Variants in IGSF11 observed in about 807,000 individuals in gnomAD.
IGSF11 encodes immunoglobulin superfamily member 11, also known as CXADR like 1.
IGSF11 carries 22 observed loss-of-function variants against 41.0 expected under a neutral mutation model. The observed-to-expected ratio is 0.54, with a 90% CI of 0.38 to 0.77. The LOEUF (loss-of-function observed/expected upper bound fraction) is 0.77. Ranked by LOEUF, IGSF11 falls within the 30% of genes least tolerant of loss-of-function variation. The pLI, the probability that IGSF11 is intolerant of heterozygous loss-of-function variation, is 0.00. For synonymous variants in IGSF11, 219 were observed against 201.3 expected (o/e 1.09, Z -0.74); for missense variants, 444 against 530.8 (o/e 0.84, Z 1.61).
Position 118,935,894 on chromosome 3 carries a change from TTTAG to T in IGSF11, c.53-5623_53-5620del, listed in dbSNP as rs150606066. The stretch of plus-strand genomic sequence containing the variant: ...TGATCAGAAAAGTTGTATAACCTGC[TTTAG>T]TTCTCATCTAGGGAAAGAACTGACT... On this transcript the variant is annotated intron_variant, in intron 1 of 6. Transcript: ENST00000393775. Among the ~76,000 whole-genome samples, 762 of 152,320 alleles carry T rather than the reference TTTAG, an allele frequency of 5.0e-3. 5 individuals are homozygous for T. Among genetic ancestry groups the T allele is most frequent in the African/African-American group, 0.017 (717 of 41,576 alleles).
At chr3:119,110,824 G>C (rs1165347702) in intron 1 of IGSF11, among the ~76,000 whole-genome samples, 1 of 151,516 alleles carries the variant, frequency 6.6e-6, no homozygotes, top group Non-Finnish European at 1.5e-5. Context: ...TGTCTGTAAA[G>C]TATTTTATTT....
At chr3:118,933,763 A>G (rs1217130700) in intron 1 of IGSF11, among the ~76,000 whole-genome samples, 1 of 152,134 alleles carries the variant, frequency 6.6e-6, no homozygotes, top group Non-Finnish European at 1.5e-5. Context: ...TTATATGATG[A>G]CAAACTTTAA....
At chr3:119,043,569 C>A (rs1378633560) in intron 1 of IGSF11, among the ~76,000 whole-genome samples, 3 of 152,174 alleles carry the variant, frequency 2.0e-5, no homozygotes, top group Non-Finnish European at 2.9e-5. Context: ...ATCCACATGA[C>A]AATTTTACTG....
intron 1 of IGSF11, among the ~76,000 whole-genome samples, chr3:119,096,983 C>T (rs1238632810): frequency 6.6e-6 from 1 of 152,086 alleles, no homozygotes; most frequent in East Asian, 1.9e-4. Flanking sequence ...CCAAGTTTTT[C>T]TCATGCTGCC....
chr3:118,929,349 C>G (rs984993908), intron 2 of IGSF11, among the ~76,000 whole-genome samples: 1 of 152,152 alleles, frequency 6.6e-6, no homozygotes, highest in Admixed American at 6.5e-5. Flanking sequence ...TAAGGTTGAA[C>G]AAAATGATCT....
intron 1 of IGSF11, among the ~76,000 whole-genome samples, chr3:118,969,409 C>A (rs980870647): frequency 3.3e-5 from 5 of 152,102 alleles, no homozygotes; most frequent in Non-Finnish European, 7.3e-5. Flanking sequence ...TCCCAGTAGA[C>A]ACTAGGCTAT....
chr3:119,021,095 G>A (rs1354450838), intron 1 of IGSF11, among the ~76,000 whole-genome samples: 1 of 152,062 alleles, frequency 6.6e-6, no homozygotes, highest in Non-Finnish European at 1.5e-5. Flanking sequence ...CACTGAATTT[G>A]GAATAAAATT....
intron 1 of IGSF11, among the ~76,000 whole-genome samples, chr3:119,100,885 G>A (rs2076928345): frequency 6.6e-6 from 1 of 152,160 alleles, no homozygotes; most frequent in African/African-American, 2.4e-5. Context: ...GTCATGGAAT[G>A]GGATGACATA....
At chr3:119,054,459 T>C (rs1941742374) in intron 1 of IGSF11, among the ~76,000 whole-genome samples, 2 of 152,086 alleles carry the variant, frequency 1.3e-5, no homozygotes, top group Admixed American at 1.3e-4. Flanking sequence ...TATTAAGAAA[T>C]GCAAGTCAAA....
intron 1 of IGSF11, among the ~76,000 whole-genome samples, chr3:119,066,710 A>T (rs1186825137): frequency 6.6e-6 from 1 of 152,008 alleles, no homozygotes; most frequent in Non-Finnish European, 1.5e-5. Context: ...GTACCACTAT[A>T]CCTGTTTGCT....
upstream of IGSF11, among the ~76,000 whole-genome samples, chr3:119,109,404 T>C (rs946177989): frequency 1.1e-4 from 17 of 152,226 alleles, no homozygotes; most frequent in Non-Finnish European, 2.1e-4. Context: ...TCTCTGATGG[T>C]AGTTTGTAAT....
chr3:118,909,130 G>T (rs1939962036), intron 4 of IGSF11, among the ~76,000 whole-genome samples: 1 of 152,152 alleles, frequency 6.6e-6, no homozygotes, highest in Non-Finnish European at 1.5e-5. Context: ...AAAATGTCTA[G>T]TGTCTCCCAA....
intron 1 of IGSF11, among the ~76,000 whole-genome samples, chr3:119,021,087 CT>C (rs1576663995): frequency 6.6e-6 from 1 of 152,138 alleles, no homozygotes; most frequent in African/African-American, 2.4e-5. Context: ...GCATATGACA[CT>C]GAATTTGGAA....
intron 1 of IGSF11, among the ~76,000 whole-genome samples, chr3:119,142,678 A>C (rs1193407562): frequency 6.6e-6 from 1 of 152,172 alleles, no homozygotes. Flanking sequence ...GGAAAGAAAA[A>C]ATATTTAAAG....
intron 1 of IGSF11, among the ~76,000 whole-genome samples, chr3:119,044,783 A>T (rs1352608956): frequency 1.3e-5 from 2 of 152,226 alleles, no homozygotes; most frequent in African/African-American, 4.8e-5. Flanking sequence ...ATCAGCCTAG[A>T]ATTTTGTATC....
chr3:118,904,689 T>C lies in IGSF11; in HGVS notation c.813A>G (p.Lys271=). 2.5e-6 allele frequency: 4 copies of C among 1,612,500 alleles called. No individual in the cohort carries two copies. The South Asian group carries it at 4.4e-5, about 18-fold the overall frequency. ...ILGAFFYWRS[K]NKEEEEEEIP... ...TTTCTTCTTCTTCCTCCTCTTTATT[T>C]TTGCTTCTCCAGTAAAAGAATGCCC... is the stretch of plus-strand genomic sequence containing the variant. Residue 271 remains lysine (K), a synonymous_variant, in exon 6 of 7, where the codon AAA becomes AAG. Transcript: ENST00000393775.
At chr3:118,999,742 C>A (rs1290771796) in intron 1 of IGSF11, among the ~76,000 whole-genome samples, 1 of 152,040 alleles carries the variant, frequency 6.6e-6, no homozygotes, top group Non-Finnish European at 1.5e-5. Flanking sequence ...AATACAATAT[C>A]CATTTAAAAT....
At chr3:118,987,022 G>C (rs892634950) in intron 1 of IGSF11, among the ~76,000 whole-genome samples, 1 of 152,132 alleles carries the variant, frequency 6.6e-6, no homozygotes, top group African/African-American at 2.4e-5. Context: ...CATTTATCTA[G>C]ACATCTGTCC....
rs190751997 is a variant in IGSF11 at position 119,126,396 on chromosome 3, G to A, written c.-14+19417C>T. Among the ~76,000 whole-genome samples the A allele has an allele frequency of 7.9e-3, 1,200 of 152,354 alleles. 10 individuals carry two copies. Among genetic ancestry groups the A allele is most frequent in the Non-Finnish European group, 0.013 (875 of 68,030 alleles). On this transcript the variant is annotated intron_variant, in intron 1 of 7. Coordinates refer to the IGSF11 transcript ENST00000425327. ...CTCCCTGGGCCTGAGCCCCTAAGGG[G>A]AGGGATGGCTGCAGTCTCTGCAGAC...
Sources: gnomAD v4.1 joint callset for allele counts (sites outside exome capture counted in the v4.1 genomes callset) on GRCh38, gnomAD v4.1.1 for gene constraint, MANE v1.5 for transcripts, NCBI Gene and HGNC (gene_info 2026-07-23, HGNC 2026-07-21) for gene names.